The following AHSA1 variants were observed in gnomAD, a reference collection of about 807,000 sequenced individuals.
AHSA1 encodes the protein activator of HSP90 ATPase activity 1.
AHSA1 carries 14 observed loss-of-function variants against 46.1 expected under a neutral mutation model. That is an observed-to-expected ratio of 0.30 (90% CI 0.20 to 0.47). AHSA1 has a LOEUF of 0.47. Ranked by LOEUF, AHSA1 falls within the 20% of genes least tolerant of loss-of-function variation. The pLI is 0.99. For missense variants in AHSA1, 333 were observed against 415.9 expected (o/e 0.80, Z 1.73); for synonymous variants, 147 against 145.8 (o/e 1.01, Z -0.06).
intron 4 of AHSA1, among the ~76,000 whole-genome samples, chr14:77,464,116 C>T (rs1225661648): frequency 6.6e-6 from 1 of 152,202 alleles, no homozygotes; most frequent in African/African-American, 2.4e-5. Flanking sequence ...CAGTGGCTCA[C>T]ACCTGTAATC....
Position 77,464,623 on chromosome 14 carries a change from T to C in AHSA1, c.498T>C (p.Pro166=). Residue 166 remains proline (P), a synonymous_variant, in exon 5 of 9, where the codon CCT becomes CCC. Transcript: ENST00000216479. ...KTEFTQGMIL[P]TMNGESVDPV... ...AGTTCACCCAGGGCATGATCTTACC[T>C]ACAATGAATGGAGAGTCAGTAGACC... The C allele has an allele frequency of 6.2e-7, 1 of 1,614,040 alleles. No individual in the cohort carries two copies.
intron 2 of AHSA1, among the ~76,000 whole-genome samples, chr14:77,461,619 A>G (rs925417464): frequency 1.3e-5 from 2 of 152,176 alleles, no homozygotes; most frequent in African/African-American, 4.8e-5. Flanking sequence ...CAGAGGGAAC[A>G]TTACACTCGT....
At chr14:77,463,627 CATT>C (rs2079035897) in intron 4 of AHSA1, among the ~76,000 whole-genome samples, 1 of 150,466 alleles carries the variant, frequency 6.6e-6, no homozygotes, top group African/African-American at 2.4e-5. Context: ...TTGAGGCTCA[CATT>C]ATATTTCTAA....
rs774233851 is a variant in AHSA1, at chr14:77,468,074, T to TTC, written c.691-9_691-8insTC. On this transcript the variant is annotated splice_polypyrimidine_tract_variant and intron_variant, in intron 6 of 8. Coordinates refer to ENST00000216479, the MANE Select transcript of AHSA1 (RefSeq NM_012111.3). ...CTCTTTTTTTTTTTTTTTTTTTTTT[T>TTC]CCCTGCAGCTGGTGCAGGCCTTTAC... The TTC allele has an allele frequency of 4.1e-5, 54 of 1,303,036 alleles. No individual in the cohort carries two copies. The African/African-American group carries it at 6.8e-4, about 16-fold the overall frequency. 80.7% of individuals were successfully genotyped at this position (1,303,036 alleles called of 1,614,324 possible). A position where few individuals can be genotyped will look rare whatever the true frequency, so the allele number is the denominator to read the frequency against.
At chr14:77,459,967 T>C (rs949813640) in intron 2 of AHSA1, 161 bp downstream of exon 2, 34 of 776,592 alleles carry the variant, frequency 4.4e-5, no homozygotes, top group Non-Finnish European at 6.9e-5. Context: ...TGGAATTTCT[T>C]TGCCATTGTG....
At chr14:77,468,295 T>C (rs761272579) in intron 7 of AHSA1, 111 bp downstream of exon 7, 2 of 1,109,656 alleles carry the variant, frequency 1.8e-6, no homozygotes, top group Non-Finnish European at 2.6e-6. Context: ...TCTTTGTTAA[T>C]AAAACATTTT....
chr14:77,459,071 G>T (rs925398002), intron 1 of AHSA1, among the ~76,000 whole-genome samples: 5 of 152,140 alleles, frequency 3.3e-5, no homozygotes, highest in African/African-American at 1.2e-4. Context: ...AACATGCAGA[G>T]TACTTGACCT....
intron 6 of AHSA1, among the ~76,000 whole-genome samples, chr14:77,467,627 G>A (rs577296263): frequency 1.3e-4 from 20 of 152,290 alleles, no homozygotes; most frequent in African/African-American, 3.6e-4. Flanking sequence ...CTGGACGGGC[G>A]GAGGTTGCGT....
chr14:77,458,427 C>T (rs1208403921), intron 1 of AHSA1, among the ~76,000 whole-genome samples, 158 bp downstream of exon 1: 1 of 152,174 alleles, frequency 6.6e-6, no homozygotes, highest in African/African-American at 2.4e-5. Context: ...AGCCCCAGGC[C>T]TCTCCACTCC....
Position 77,468,189 on chromosome 14 carries a change from G to A in AHSA1, c.792+5G>A. On this transcript the variant is annotated splice_donor_5th_base_variant and intron_variant, in intron 7 of 8. Transcript: ENST00000216479. ...TCTGGGGAATTTACTGATCTGGTGA[G>A]TACCTGCCGGCCCTAGACTCAGGTT... The A allele has an allele frequency of 6.5e-7, 1 of 1,542,180 alleles. No individual in the cohort carries two copies.
rs2078994382 is a variant in AHSA1, at chr14:77,458,126, T to C, written c.-64T>C. ...CCAGGCGCTGCCGGGCGGCTGGCAC[T>C]AAGCGGTCCTGAGGCTGTGGCTACG... On this transcript the variant is annotated 5_prime_UTR_variant, in exon 1 of 9. Transcript: ENST00000216479. The C allele has an allele frequency of 1.4e-6, 2 of 1,408,396 alleles. No individual in the cohort carries two copies. The highest frequency in any genetic ancestry group is 1.9e-6 in the Non-Finnish European group (2 of 1,070,616). The allele number at this position is 1,408,396 out of a possible 1,614,324, so 87.2% of individuals were successfully genotyped here. A position where few individuals can be genotyped will look rare whatever the true frequency, so the allele number is the denominator to read the frequency against.
chr14:77,462,892 G>A lies in AHSA1; in HGVS notation c.472+133G>A, dbSNP rs2079031791. 3 of 737,372 alleles carry A rather than the reference G, an allele frequency of 4.1e-6. No homozygotes were observed. In the Admixed American group the frequency reaches 6.2e-5, roughly 15 times the overall value. The allele number at this position is 737,372 out of a possible 1,614,324, so 45.7% of individuals were successfully genotyped here. ...GGGAGGGGGCTTATTTCATCTTAAAGTCAGTCCATAAGCTCGGAGTAAGGG... is the reference window on the plus strand; with the variant it reads ...GGGAGGGGGCTTATTTCATCTTAAAATCAGTCCATAAGCTCGGAGTAAGGG... On this transcript the variant is annotated intron_variant, in intron 4 of 8. Transcript: ENST00000216479.
chr14:77,461,513 G>A (rs1319281029), intron 2 of AHSA1, among the ~76,000 whole-genome samples: 3 of 152,086 alleles, frequency 2.0e-5, no homozygotes, highest in Non-Finnish European at 4.4e-5. Context: ...CTGAGCGACA[G>A]AGCAAGACTC....
At position 77,459,746 on chromosome 14, in the gene AHSA1, A is replaced by G. The variant is rs1208463336; in HGVS notation, c.211A>G (p.Asn71Asp). The part of the protein sequence containing the change: ...VSKLDGEASI[N>D]NRKGKLIFFY... ...TAAGCTTGATGGAGAGGCATCCATT[A>G]ACAATCGCAAAGGGAAACTTATCTT... Residue 71 changes from asparagine to aspartate, a missense_variant, in exon 2 of 9, where the codon AAC becomes GAC. Coordinates refer to ENST00000216479, the MANE Select transcript of AHSA1 (RefSeq NM_012111.3). 1 of 1,614,234 alleles carries G rather than the reference A, an allele frequency of 6.2e-7. No homozygotes were observed. Among genetic ancestry groups the G allele is most frequent in the South Asian group, 1.1e-5 (1 of 91,084 alleles).
chr14:77,464,779 C>T, intron 5 of AHSA1, 93 bp downstream of exon 5: 3 of 1,142,030 alleles, frequency 2.6e-6, no homozygotes, highest in African/African-American at 1.6e-5. Flanking sequence ...TGTCCCTAAC[C>T]TCTAAGCCAG....
In AHSA1 at chr14:77,468,525, A is replaced by G; in HGVS notation, c.844+17A>G. The G allele has an allele frequency of 1.9e-6, 3 of 1,559,150 alleles. No individual in the cohort carries two copies. The East Asian group carries it at 6.8e-5, about 36-fold the overall frequency. ...GGCCAGAGGGTAAGTAAACATATTTATTGCCATTACCCCCAGAACTTTTTC... is the reference window on the plus strand; with the variant it reads ...GGCCAGAGGGTAAGTAAACATATTTGTTGCCATTACCCCCAGAACTTTTTC... On this transcript the variant is annotated intron_variant, in intron 8 of 8. Coordinates refer to ENST00000216479, the MANE Select transcript of AHSA1 (RefSeq NM_012111.3).
chr14:77,467,974 G>A, intron 6 of AHSA1, 109 bp from the exon 7 acceptor site: 2 of 739,816 alleles, frequency 2.7e-6, no homozygotes, highest in Non-Finnish European at 4.3e-6. Context: ...CAGACTGGTG[G>A]AAATGAGAGT....
At chr14:77,468,611 A>G (rs752606778) in intron 8 of AHSA1, 103 bp downstream of exon 8, 9 of 1,036,454 alleles carry the variant, frequency 8.7e-6, no homozygotes, top group Admixed American at 2.2e-5. Flanking sequence ...CACTCAGGCT[A>G]GAGTGCAGTG....
At chr14:77,466,665 A>C (rs1232484839) in intron 6 of AHSA1, among the ~76,000 whole-genome samples, 1 of 152,268 alleles carries the variant, frequency 6.6e-6, no homozygotes, top group Non-Finnish European at 1.5e-5. Flanking sequence ...CTGGAGAAGC[A>C]ATTAAATGGA....
Sources: gnomAD v4.1 joint callset for allele counts (sites outside exome capture counted in the v4.1 genomes callset) on GRCh38, gnomAD v4.1.1 for gene constraint, MANE v1.5 for transcripts, NCBI Gene and HGNC (gene_info 2026-07-23, HGNC 2026-07-21) for gene names.